Variants in SUGCT observed in about 807,000 individuals in gnomAD.
SUGCT encodes the protein succinyl-CoA:glutarate CoA-transferase.
Under a neutral mutation model 55.0 loss-of-function variants are expected in SUGCT, and 41 were observed. The ratio of observed to expected loss-of-function variants is 0.74; its 90% CI spans 0.58 to 0.97. The LOEUF is 0.97. SUGCT is among the 50% of genes least tolerant of loss of function. The probability of loss-of-function intolerance (pLI) is 0.00; values close to 1 mark genes in which losing one functional copy is unlikely to be tolerated. For missense variants in SUGCT, 568 were observed against 547.8 expected (o/e 1.04, Z -0.37); for synonymous variants, 187 against 200.4 (o/e 0.93, Z 0.56).
chr7:40,701,299 G>A (rs1158012907), intron 12 of SUGCT, among the ~76,000 whole-genome samples: 6 of 152,184 alleles, frequency 3.9e-5, no homozygotes, highest in Non-Finnish European at 7.3e-5. Flanking sequence ...GGAAGTGTGT[G>A]TGGCAGGGCA....
chr7:40,811,887 G>A (rs1584475898), intron 13 of SUGCT, among the ~76,000 whole-genome samples: 1 of 152,078 alleles, frequency 6.6e-6, no homozygotes, highest in Non-Finnish European at 1.5e-5. Context: ...TTCAGTATGA[G>A]GTTGGCTGTA....
At chr7:40,461,866 T>C (rs573772596) in intron 11 of SUGCT, among the ~76,000 whole-genome samples, 4 of 152,344 alleles carry the variant, frequency 2.6e-5, no homozygotes, top group Admixed American at 6.5e-5. Context: ...ATGAAAATTC[T>C]GACATTTAGG....
intron 9 of SUGCT, among the ~76,000 whole-genome samples, chr7:40,422,852 A>C (rs540784637): frequency 6.6e-6 from 1 of 151,738 alleles, no homozygotes; most frequent in African/African-American, 2.4e-5. Context: ...TCCCTAAAAC[A>C]TATAATCACT....
intron 9 of SUGCT, among the ~76,000 whole-genome samples, chr7:40,381,541 G>T (rs879405373): frequency 6.6e-6 from 1 of 151,920 alleles, no homozygotes; most frequent in Admixed American, 6.6e-5. Flanking sequence ...CTGTTGACTC[G>T]TGGTTCCGAA....
chr7:40,276,163 C>T (rs1390006335), intron 8 of SUGCT, among the ~76,000 whole-genome samples: 4 of 152,066 alleles, frequency 2.6e-5, no homozygotes, highest in Non-Finnish European at 2.9e-5. Flanking sequence ...ACAGTAGCTT[C>T]GAGTCGTGGT....
At chr7:40,148,888 C>T (rs1383965457) in intron 1 of SUGCT, among the ~76,000 whole-genome samples, 24 of 152,116 alleles carry the variant, frequency 1.6e-4, no homozygotes, top group Admixed American at 2.0e-4. Flanking sequence ...TTGAATGAGT[C>T]TGAGAGACAG....
intron 11 of SUGCT, among the ~76,000 whole-genome samples, chr7:40,485,507 C>T (rs1388911108): frequency 7.0e-6 from 1 of 143,136 alleles, no homozygotes; most frequent in Non-Finnish European, 1.5e-5. Flanking sequence ...CTCATTGTAG[C>T]CTCAACCTCC....
intron 13 of SUGCT, among the ~76,000 whole-genome samples, chr7:40,807,999 T>G (rs1287702851): frequency 6.6e-6 from 1 of 152,180 alleles, no homozygotes; most frequent in African/African-American, 2.4e-5. Flanking sequence ...GGGTCTGCCT[T>G]TCCCAATCTA....
At chr7:40,327,723 C>T (rs1473088012) in intron 9 of SUGCT, among the ~76,000 whole-genome samples, 1 of 151,898 alleles carries the variant, frequency 6.6e-6, no homozygotes. Flanking sequence ...TTTTCTATGC[C>T]TAACATATTT....
chr7:40,996,866 C>A, the SUGCT span, among the ~76,000 whole-genome samples: 1 of 152,140 alleles, frequency 6.6e-6, no homozygotes, highest in African/African-American at 2.4e-5. Context: ...CAATTTATAG[C>A]CACCTGTAAT....
At chr7:40,978,096 G>A in the SUGCT span, among the ~76,000 whole-genome samples, 1 of 152,134 alleles carries the variant, frequency 6.6e-6, no homozygotes, top group East Asian at 1.9e-4. Flanking sequence ...TCAGCTCTTG[G>A]CAGTCTAACC....
chr7:41,038,741 T>C, the SUGCT span, among the ~76,000 whole-genome samples: 2 of 152,066 alleles, frequency 1.3e-5, no homozygotes, highest in Non-Finnish European at 2.9e-5. Flanking sequence ...CCTCATAGTT[T>C]CCATAAAAGA....
intron 6 of SUGCT, among the ~76,000 whole-genome samples, chr7:40,236,120 C>A (rs997621804): frequency 2.0e-5 from 3 of 152,018 alleles, no homozygotes; most frequent in Non-Finnish European, 4.4e-5. Flanking sequence ...TGCGGTGGTG[C>A]AATCTCGGCT....
At chr7:40,822,461 A>G (rs1358301937) in intron 13 of SUGCT, among the ~76,000 whole-genome samples, 1 of 152,142 alleles carries the variant, frequency 6.6e-6, no homozygotes. Flanking sequence ...TGTTGGGTGC[A>G]TATATATTTA....
chr7:40,469,006 T>C (rs1790270680), intron 11 of SUGCT, among the ~76,000 whole-genome samples: 1 of 152,122 alleles, frequency 6.6e-6, no homozygotes, highest in Admixed American at 6.5e-5. Flanking sequence ...GAAGTGTCTT[T>C]TAAATCCGAT....
chr7:40,522,903 T>A (rs367990463), intron 12 of SUGCT, among the ~76,000 whole-genome samples: 1 of 152,088 alleles, frequency 6.6e-6, no homozygotes, highest in South Asian at 2.1e-4. Context: ...TTGCTAACTT[T>A]CCAAAAAATT....
chr7:40,630,788 T>C (rs1799754594), intron 12 of SUGCT, among the ~76,000 whole-genome samples: 1 of 151,338 alleles, frequency 6.6e-6, no homozygotes, highest in African/African-American at 2.4e-5. Flanking sequence ...TATAATAAAG[T>C]ATATTCAAGA....
At chr7:40,898,229 G>T in the SUGCT span, among the ~76,000 whole-genome samples, 10 of 152,054 alleles carry the variant, frequency 6.6e-5, no homozygotes, top group Non-Finnish European at 1.5e-4. Flanking sequence ...TCACTGCAAA[G>T]GTTTCCAGCT....
At chr7:40,522,238 C>G (rs1168087305) in intron 12 of SUGCT, among the ~76,000 whole-genome samples, 1 of 152,112 alleles carries the variant, frequency 6.6e-6, no homozygotes, top group African/African-American at 2.4e-5. Context: ...TGTAGTTTCT[C>G]TAACACTTGC....
Sources: allele counts gnomAD v4.1 joint callset (sites outside exome capture counted in the v4.1 genomes callset), GRCh38; gene constraint gnomAD v4.1.1; transcripts MANE v1.5; gene names NCBI Gene and HGNC (gene_info 2026-07-23, HGNC 2026-07-21).